KANSL1L: variants seen among roughly 807,000 people sequenced by gnomAD.
The protein encoded by KANSL1L is KAT8 regulatory NSL complex subunit 1 like.
A neutral mutation model predicts 108.6 loss-of-function variants in KANSL1L; 25 were observed. The observed-to-expected ratio is 0.23, with a 90% CI of 0.17 to 0.32. The LOEUF is 0.32. Among genes scored for constraint, KANSL1L ranks in the 10% least tolerant of loss-of-function variants. The pLI, the probability that KANSL1L is intolerant of heterozygous loss-of-function variation, is 1.00. For missense variants in KANSL1L, 1,137 were observed against 1,125.7 expected, an observed-to-expected ratio of 1.01 and a Z score of -0.14; for synonymous variants, 405 against 395.1, an observed-to-expected ratio of 1.03 and a Z score of -0.30.
chr2:210,064,844 GA>G (rs1407260278), intron 6 of KANSL1L, among the ~76,000 whole-genome samples: 2 of 148,146 alleles, frequency 1.4e-5, no homozygotes, highest in East Asian at 2.0e-4. Flanking sequence ...AAAAACACAG[GA>G]AAAAAAATTA....
At chr2:210,034,015 G>A (rs1575379274) in intron 8 of KANSL1L, among the ~76,000 whole-genome samples, 1 of 151,870 alleles carries the variant, frequency 6.6e-6, no homozygotes, top group Non-Finnish European at 1.5e-5. Context: ...TTCAGTTCTT[G>A]CTCTCCCAAT....
At chr2:210,100,397 C>T (rs937543782) in intron 4 of KANSL1L, among the ~76,000 whole-genome samples, 9 of 152,176 alleles carry the variant, frequency 5.9e-5, no homozygotes, top group Admixed American at 5.2e-4. Context: ...TTATGAACTA[C>T]ATATTATCTA....
At chr2:210,027,902 A>G (rs2093959170) in intron 11 of KANSL1L, among the ~76,000 whole-genome samples, 1 of 152,240 alleles carries the variant, frequency 6.6e-6, no homozygotes, top group Non-Finnish European at 1.5e-5. Context: ...GAGTTCTCAT[A>G]TAACTCTTCT....
chr2:210,109,742 C>G (rs1255870530), intron 3 of KANSL1L, among the ~76,000 whole-genome samples: 1 of 152,036 alleles, frequency 6.6e-6, no homozygotes, highest in South Asian at 2.1e-4. Flanking sequence ...TCACTGTTCT[C>G]TATGGCTCCT....
At chr2:210,084,124 T>C (rs1394076608) in intron 5 of KANSL1L, among the ~76,000 whole-genome samples, 1 of 151,978 alleles carries the variant, frequency 6.6e-6, no homozygotes, top group Non-Finnish European at 1.5e-5. Context: ...TAAGATGTAG[T>C]ATCTAAAAAA....
intron 2 of KANSL1L, among the ~76,000 whole-genome samples, chr2:210,141,763 T>C (rs2095231337): frequency 6.6e-6 from 1 of 152,210 alleles, no homozygotes; most frequent in Non-Finnish European, 1.5e-5. Context: ...CCTAATCTGT[T>C]GAGAGTCTGA....
chr2:210,076,161 T>G (rs1393535687), intron 5 of KANSL1L, among the ~76,000 whole-genome samples: 2 of 152,096 alleles, frequency 1.3e-5, no homozygotes, highest in Non-Finnish European at 2.9e-5. Flanking sequence ...ACTCCATTAT[T>G]AGTTTCTGTT....
Position 210,153,501 on chromosome 2 carries a change from A to G in KANSL1L, c.1082T>C (p.Val361Ala). 6.2e-7 allele frequency: 1 copy of G among 1,613,802 alleles called. No homozygotes were observed. Among genetic ancestry groups the G allele is most frequent in the Non-Finnish European group, 8.5e-7 (1 of 1,179,876 alleles). ...ATAATAATTTTGCACTTACACTGCC[A>G]CATTTTTTCTAAGGGTATATTCATC... ...DLDEYTLRKNVAVNCSTEWKW... is the reference protein window; with the variant it reads ...DLDEYTLRKNAAVNCSTEWKW... Residue 361 changes from valine to alanine, a missense_variant, in exon 2 of 15, where the codon GTG (valine) becomes GCG (alanine). Physicochemically the swap from Val to Ala is moderately conservative, Grantham distance 64. Transcript: ENST00000281772.
chr2:210,160,910 G>T (rs1222121152), intron 1 of KANSL1L, among the ~76,000 whole-genome samples: 2 of 151,724 alleles, frequency 1.3e-5, no homozygotes, highest in Non-Finnish European at 2.9e-5. Flanking sequence ...ACAAGACAGT[G>T]TGGCATTAGC....
At chr2:210,108,474 A>G (rs2094872362) in intron 3 of KANSL1L, among the ~76,000 whole-genome samples, 1 of 152,200 alleles carries the variant, frequency 6.6e-6, no homozygotes, top group Admixed American at 6.5e-5. Flanking sequence ...GAATATTAAA[A>G]TATCCTTTCT....
intron 2 of KANSL1L, among the ~76,000 whole-genome samples, chr2:210,148,985 A>G (rs986594602): frequency 6.6e-5 from 10 of 152,098 alleles, no homozygotes; most frequent in African/African-American, 2.2e-4. Context: ...TAATAAAATC[A>G]TTACTTTTAA....
chr2:210,043,501 A>T (rs1445689016), intron 7 of KANSL1L: 1 of 153,776 alleles, frequency 6.5e-6, no homozygotes, highest in African/African-American at 2.4e-5. Context: ...ATAGGTACGC[A>T]GTTTTCTTCC....
rs1337407019 is a variant in KANSL1L at position 210,171,378 on chromosome 2, C to G, written c.-259G>C. On this transcript the variant is annotated 5_prime_UTR_variant, in exon 1 of 15. Coordinates refer to ENST00000281772, the MANE Select transcript of KANSL1L (RefSeq NM_152519.4). ...TCCGCCCGCTGCCCGCAGCTCCGTG[C>G]GGCTCGGGGGGACGGAACCCTGCCG... 4.1e-5 allele frequency: 7 copies of G among 171,126 alleles called. No individual in the cohort carries two copies. The highest frequency in any genetic ancestry group is 7.2e-5 in the Non-Finnish European group (6 of 82,956). The allele number at this position is 171,126 out of a possible 1,614,324, so 10.6% of individuals were successfully genotyped here.
chr2:210,090,178 A>T (rs950885085), intron 5 of KANSL1L, among the ~76,000 whole-genome samples: 1 of 152,208 alleles, frequency 6.6e-6, no homozygotes, highest in Non-Finnish European at 1.5e-5. Flanking sequence ...CTTATGTGCC[A>T]GGTTTTGTTC....
chr2:210,090,954 C>T (rs934876708), intron 5 of KANSL1L, among the ~76,000 whole-genome samples: 1 of 152,126 alleles, frequency 6.6e-6, no homozygotes, highest in Non-Finnish European at 1.5e-5. Context: ...TCAGTGTGTA[C>T]CTCAAAATTC....
In KANSL1L at chr2:210,075,738, A is replaced by G. The variant is rs2094537462; in HGVS notation, c.1569T>C (p.Asp523=). 3.7e-6 allele frequency: 6 copies of G among 1,613,734 alleles called. No homozygotes were observed. The highest frequency in any genetic ancestry group is 5.1e-6 in the Non-Finnish European group (6 of 1,179,658). Residue 523 remains aspartate, a synonymous_variant, in exon 6 of 15, where the codon GAT becomes GAC. Coordinates refer to ENST00000281772, the MANE Select transcript of KANSL1L (RefSeq NM_152519.4). The part of the protein sequence containing the change: ...GIYRSASENL[D]ELSSSSSWLL... ...ACCAGCTACTGGAGGAAGACAGCTC[A>G]TCTAAATTCTCTGATGCACTGAAAT...
chr2:210,052,897 T>C (rs1400306768), intron 6 of KANSL1L, among the ~76,000 whole-genome samples: 1 of 152,234 alleles, frequency 6.6e-6, no homozygotes, highest in Admixed American at 6.5e-5. Flanking sequence ...CTATTGTACA[T>C]GAGGCTCTAT....
intron 1 of KANSL1L, among the ~76,000 whole-genome samples, chr2:210,167,822 T>C (rs1357606870): frequency 6.6e-6 from 1 of 152,054 alleles, no homozygotes; most frequent in African/African-American, 2.4e-5. Flanking sequence ...ATTTCCATTA[T>C]GAATAGTCTT....
At chr2:210,076,583 T>G (rs540368425) in intron 5 of KANSL1L, among the ~76,000 whole-genome samples, 3 of 152,192 alleles carry the variant, frequency 2.0e-5, no homozygotes, top group Non-Finnish European at 4.4e-5. Flanking sequence ...TTTTTAAAAA[T>G]TTCCAATGTT....
Sources: allele counts gnomAD v4.1 joint callset (sites outside exome capture counted in the v4.1 genomes callset), GRCh38; gene constraint gnomAD v4.1.1; transcripts MANE v1.5; gene names NCBI Gene and HGNC (gene_info 2026-07-23, HGNC 2026-07-21).